ABCC1: variants seen among roughly 807,000 people sequenced by gnomAD.
ABCC1 encodes multidrug resistance-associated protein 1.
In ABCC1, 83 loss-of-function variants were observed where a neutral mutation model predicts 172.9. The ratio of observed to expected loss-of-function variants is 0.48; its 90% CI spans 0.40 to 0.58. ABCC1 has a LOEUF of 0.58. Among genes scored for constraint, ABCC1 ranks in the 20% least tolerant of loss-of-function variants. The pLI, the probability that ABCC1 is intolerant of heterozygous loss-of-function variation, is 0.00. For missense variants in ABCC1, 1,817 were observed against 2,002.7 expected (o/e 0.91, Z 1.77); for synonymous variants, 937 against 825.2 (o/e 1.14, Z -2.32).
At chr16:16,089,201 T>C (rs1434847038) in intron 18 of ABCC1, among the ~76,000 whole-genome samples, 1 of 152,202 alleles carries the variant, frequency 6.6e-6, no homozygotes, top group Non-Finnish European at 1.5e-5. Context: ...TGCATGTGCA[T>C]ATTTTGTAGT....
chr16:15,954,076 C>T (rs1479943845), intron 1 of ABCC1, among the ~76,000 whole-genome samples: 15 of 143,104 alleles, frequency 1.0e-4, no homozygotes, highest in Admixed American at 8.7e-4. Flanking sequence ...GGTGTGATCT[C>T]GGTTCACTAC....
chr16:16,111,678 G>A lies in ABCC1; in HGVS notation c.3079+96G>A, dbSNP rs895206720. 3.3e-6 allele frequency: 4 copies of A among 1,225,112 alleles called. No homozygotes were observed. In the African/African-American group the frequency reaches 6.0e-5, roughly 18 times the overall value. 75.9% of individuals were successfully genotyped at this position (1,225,112 alleles called of 1,614,324 possible). On this transcript the variant is annotated intron_variant, in intron 22 of 30. Coordinates refer to ENST00000399410, the MANE Select transcript of ABCC1 (RefSeq NM_004996.4). ...ATCCTTAGAGTCCTCAGCGTTTTGT[G>A]GGACCCCAAACCAAGCCAAACCCAG...
Position 16,045,857 on chromosome 16 carries a change from T to C in ABCC1, c.1062T>C (p.Asn354=), listed in dbSNP as rs35587. 512,064 of 1,613,574 alleles carry C rather than the reference T, an allele frequency of 0.32. 87,235 individuals carry two copies. The highest frequency in any genetic ancestry group is 0.65 in the African/African-American group (48,617 of 74,934). ...QILKLLIKFV[N]DTKAPDWQGY... ...GCAGGTTGCTCATCAAGTTCGTGAA[T>C]GACACGAAGGCCCCAGACTGGCAGG... Residue 354 remains asparagine (N), a synonymous_variant, in exon 9 of 31, where the codon AAT becomes AAC. Coordinates refer to ENST00000399410, the MANE Select transcript of ABCC1 (RefSeq NM_004996.4).
At chr16:16,099,812 A>G (rs1199009361) in intron 19 of ABCC1, among the ~76,000 whole-genome samples, 1 of 152,136 alleles carries the variant, frequency 6.6e-6, no homozygotes, top group Non-Finnish European at 1.5e-5. Context: ...GGCCAGGCAC[A>G]GTGGCTCACA....
At chr16:16,036,061 C>G (rs2048743075) in intron 6 of ABCC1, among the ~76,000 whole-genome samples, 1 of 151,994 alleles carries the variant, frequency 6.6e-6, no homozygotes, top group African/African-American at 2.4e-5. Flanking sequence ...GAGCTGGAGG[C>G]TGCAGGGAGC....
At chr16:16,064,164 A>G (rs888277949) in intron 12 of ABCC1, among the ~76,000 whole-genome samples, 2 of 151,996 alleles carry the variant, frequency 1.3e-5, no homozygotes, top group African/African-American at 2.4e-5. Flanking sequence ...GGTTCCATTC[A>G]TTGGTTTTCC....
chr16:16,051,113 T>C (rs1044227905), intron 10 of ABCC1, among the ~76,000 whole-genome samples: 1 of 152,044 alleles, frequency 6.6e-6, no homozygotes, highest in African/African-American at 2.4e-5. Context: ...TGTTGACACT[T>C]GGGGCCAGAC....
intron 13 of ABCC1, among the ~76,000 whole-genome samples, chr16:16,071,100 T>C (rs1264006165): frequency 6.6e-6 from 1 of 152,062 alleles, no homozygotes; most frequent in Non-Finnish European, 1.5e-5. Context: ...TATTTATTTT[T>C]TGAAATGGAG....
intron 1 of ABCC1, among the ~76,000 whole-genome samples, chr16:15,955,379 G>A (rs544390462): frequency 6.6e-6 from 1 of 152,124 alleles, no homozygotes; most frequent in Non-Finnish European, 1.5e-5. Flanking sequence ...ACAGCCACCT[G>A]TTCGCTGCTG....
intron 5 of ABCC1, among the ~76,000 whole-genome samples, chr16:16,026,465 C>CTT (rs1157942197): frequency 2.1e-3 from 201 of 95,416 alleles, no homozygotes; most frequent in Non-Finnish European, 2.3e-3. Flanking sequence ...AGGCTATTTC[C>CTT]TTTTTTTTTT....
chr16:16,101,065 T>C (rs2152053303), intron 19 of ABCC1, among the ~76,000 whole-genome samples: 1 of 152,126 alleles, frequency 6.6e-6, no homozygotes. Context: ...AGAGTCTCGC[T>C]CTGTCACCCA....
At chr16:16,007,438 T>C (rs1022452289) in intron 1 of ABCC1, among the ~76,000 whole-genome samples, 1 of 152,136 alleles carries the variant, frequency 6.6e-6, no homozygotes, top group Non-Finnish European at 1.5e-5. Context: ...TTGCCTAGGC[T>C]GGTCTCGAAC....
At chr16:16,039,104 A>G (rs1353996454) in intron 7 of ABCC1, among the ~76,000 whole-genome samples, 7 of 152,058 alleles carry the variant, frequency 4.6e-5, no homozygotes, top group African/African-American at 1.2e-4. Context: ...TATGGGAGAC[A>G]GGACGTTGGT....
chr16:16,080,724 C>G (rs1292926205), intron 16 of ABCC1, among the ~76,000 whole-genome samples: 2 of 152,196 alleles, frequency 1.3e-5, no homozygotes, highest in African/African-American at 4.8e-5. Context: ...AAGGCTCTGA[C>G]AAGTCCTGCA....
At position 16,079,473 on chromosome 16, in the gene ABCC1, A is replaced by T; in HGVS notation, c.2110A>T (p.Ile704Phe). ...GGACAAAGTGGAGGGGCACGTGGCTATCAAGGTAGGATGAGGACCAGCGGG... is the reference window on the plus strand; with the variant it reads ...GGACAAAGTGGAGGGGCACGTGGCTTTCAAGGTAGGATGAGGACCAGCGGG... ...EMDKVEGHVA[I>F]KGSVAYVPQQ... Residue 704 changes from isoleucine (I) to phenylalanine (F), a missense_variant, in exon 16 of 31, where the codon ATC (isoleucine) becomes TTC (phenylalanine). By Grantham distance (21) the Ile-to-Phe change is conservative. Around this residue, in one of 3 missense-constraint regions of ABCC1, gnomAD observed 1,412 missense variants for 1,600.3 expected, o/e 0.88. Transcript: ENST00000399410. 11 of 1,612,170 alleles carry T rather than the reference A, an allele frequency of 6.8e-6. No individual in the cohort carries two copies. Among genetic ancestry groups the T allele is most frequent in the Non-Finnish European group, 9.3e-6 (11 of 1,178,620 alleles).
chr16:15,967,409 T>C (rs1389562319), intron 1 of ABCC1, among the ~76,000 whole-genome samples: 1 of 151,930 alleles, frequency 6.6e-6, no homozygotes, highest in Non-Finnish European at 1.5e-5. Context: ...TGGACTGATA[T>C]GTGGGGAGAT....
chr16:16,016,447 C>A (rs1435599847), intron 4 of ABCC1, 49 bp from the exon 5 acceptor site: 1 of 1,609,044 alleles, frequency 6.2e-7, no homozygotes, highest in Non-Finnish European at 8.5e-7. Flanking sequence ...AGCCACCACA[C>A]CCAGCCCCAG....
chr16:16,000,366 A>T (rs1260106504), intron 1 of ABCC1, among the ~76,000 whole-genome samples: 1 of 110,144 alleles, frequency 9.1e-6, no homozygotes, highest in African/African-American at 2.8e-5. Context: ...GCTGGTTTTG[A>T]ACTCCTGGGC....
chr16:16,114,994 G>A lies in ABCC1; in HGVS notation c.3308G>A (p.Gly1103Asp), dbSNP rs182118381. The A allele has an allele frequency of 1.2e-3, 2,016 of 1,614,174 alleles. 5 individuals are homozygous for A. The highest frequency in any genetic ancestry group is 1.5e-3 in the Non-Finnish European group (1,815 of 1,180,032). The change falls in exon 23 of 31, where the codon GGT (glycine) becomes GAT (aspartate). Residue 1103 changes from glycine to aspartate, a missense_variant. By Grantham distance (94) the Gly-to-Asp change is moderately conservative (BLOSUM62 -1). Transcript: ENST00000399410. ...MFMGSLFNVI[G>D]ACIVILLATP... ...ATGGGCTCCCTGTTCAACGTCATTG[G>A]TGCCTGCATCGTTATCCTGCTGGCC...
Sources: gnomAD v4.1 joint callset for allele counts (sites outside exome capture counted in the v4.1 genomes callset) on GRCh38, gnomAD v4.1.1 for gene constraint, gnomAD v4.1.1 regional missense constraint, MANE v1.5 for transcripts, NCBI Gene and HGNC (gene_info 2026-07-23, HGNC 2026-07-21) for gene names.